GAB1: variants seen among roughly 807,000 people sequenced by gnomAD.
GAB1 encodes GRB2 associated binding protein 1.
Under a neutral mutation model 66.5 loss-of-function variants are expected in GAB1, and 19 were observed. The ratio of observed to expected loss-of-function variants is 0.29; its 90% CI spans 0.20 to 0.42. GAB1 has a LOEUF of 0.42. Ranked by LOEUF, GAB1 falls within the 10% of genes least tolerant of loss-of-function variation. GAB1 has a pLI of 1.00. For missense variants in GAB1, 732 were observed against 858.5 expected (o/e 0.85, Z 1.84); for synonymous variants, 294 against 301.4 (o/e 0.98, Z 0.25).
intron 1 of GAB1, among the ~76,000 whole-genome samples, chr4:143,409,117 G>C (rs1009276730): frequency 2.6e-5 from 4 of 152,196 alleles, no homozygotes; most frequent in Non-Finnish European, 4.4e-5. Flanking sequence ...AGAGCTCAAA[G>C]GAACAGGAGC....
chr4:143,465,841 C>G (rs1275756758), intron 8 of GAB1, among the ~76,000 whole-genome samples: 1 of 152,166 alleles, frequency 6.6e-6, no homozygotes. Context: ...TCAAGTTGGG[C>G]TATCATAGCT....
intron 1 of GAB1, among the ~76,000 whole-genome samples, chr4:143,412,405 A>G: frequency 6.6e-6 from 1 of 152,118 alleles, no homozygotes; most frequent in South Asian, 2.1e-4. Context: ...CATGTATCAA[A>G]TCTAATCTCA....
chr4:143,460,195 TA>T (rs1244647248), intron 7 of GAB1, among the ~76,000 whole-genome samples, 168 bp from the exon 8 acceptor site: 3 of 152,180 alleles, frequency 2.0e-5, no homozygotes, highest in African/African-American at 7.2e-5. Context: ...AAATATTAGT[TA>T]TGTGTTTGTA....
At chr4:143,423,792 G>GTATATATATATATATATATATATATA (rs35559967) in intron 2 of GAB1, among the ~76,000 whole-genome samples, 1 of 67,736 alleles carries the variant, frequency 1.5e-5, no homozygotes, top group Non-Finnish European at 2.9e-5. Context: ...AAAAAAAAGT[G>GTATATATATATATATATATATATATA]TATATATATA....
rs1733178336 is a variant in GAB1 at position 143,423,837 on chromosome 4, T to TATAA, written c.367+8066_367+8067insATAA. Among the ~76,000 whole-genome samples the TATAA allele has an allele frequency of 1.8e-5, 2 of 112,772 alleles. 1 individual carries two copies. The highest frequency in any genetic ancestry group is 3.8e-5 in the Non-Finnish European group (2 of 53,192). 74.0% of individuals were successfully genotyped at this position (112,772 alleles called of 152,430 possible). A position where few individuals can be genotyped will look rare whatever the true frequency, so the allele number is the denominator to read the frequency against. On this transcript the variant is annotated intron_variant, in intron 2 of 9. Coordinates refer to ENST00000262994, the MANE Select transcript of GAB1 (RefSeq NM_002039.4). ...ATATATATATATATATATATATATA[T>TATAA]GTCTTCACGTGCTATGAAAAGGATA...
chr4:143,362,005 C>T (rs1472331454), intron 1 of GAB1, among the ~76,000 whole-genome samples: 2 of 151,844 alleles, frequency 1.3e-5, no homozygotes, highest in East Asian at 1.9e-4. Flanking sequence ...GCAATCCCCC[C>T]ACCTTGGCCT....
Position 143,412,040 on chromosome 4 carries a change from T to C in GAB1, c.73-3437T>C, listed in dbSNP as rs556518822. On this transcript the variant is annotated intron_variant, in intron 1 of 9. Transcript: ENST00000262994. ...CGTCTTGTATAATGTCTACTCAGCC[T>C]CTGTAATCACTAGCCCAATATATCT... Among the ~76,000 whole-genome samples the C allele has an allele frequency of 3.3e-5, 5 of 152,362 alleles. No homozygotes were observed. The South Asian group carries it at 1.0e-3, about 32-fold the overall frequency.
intron 1 of GAB1, among the ~76,000 whole-genome samples, chr4:143,369,790 G>A (rs147392239): frequency 4.2e-4 from 64 of 152,338 alleles, no homozygotes; most frequent in African/African-American, 1.3e-3. Context: ...ATGCAGTTGT[G>A]CTGAGACATG....
chr4:143,437,853 A>G (rs1395518219), intron 3 of GAB1, 146 bp from the exon 4 acceptor site: 2 of 784,616 alleles, frequency 2.5e-6, no homozygotes, highest in Non-Finnish European at 4.1e-6. Context: ...AGGCTAAAGA[A>G]CATTTGTGCT....
At chr4:143,393,053 G>T (rs1416764430) in intron 1 of GAB1, among the ~76,000 whole-genome samples, 3 of 151,966 alleles carry the variant, frequency 2.0e-5, no homozygotes, top group African/African-American at 7.3e-5. Context: ...TGGACTATGG[G>T]CTGTAAGCTG....
At chr4:143,456,239 C>T (rs1406013773) in intron 6 of GAB1, among the ~76,000 whole-genome samples, 1 of 152,144 alleles carries the variant, frequency 6.6e-6, no homozygotes. Flanking sequence ...GGGTGGATCA[C>T]AAGGTCAGGA....
intron 1 of GAB1, among the ~76,000 whole-genome samples, chr4:143,393,015 A>T (rs1026453142): frequency 6.6e-6 from 1 of 151,796 alleles, no homozygotes; most frequent in African/African-American, 2.4e-5. Context: ...TTTGATTTTG[A>T]TTTTTGCATT....
chr4:143,452,069 G>A (rs985344969), intron 6 of GAB1, among the ~76,000 whole-genome samples: 1 of 152,252 alleles, frequency 6.6e-6, no homozygotes, highest in South Asian at 2.1e-4. Context: ...CTTGACATCA[G>A]TGTTTGCACA....
chr4:143,358,682 A>G (rs767992717), intron 1 of GAB1, among the ~76,000 whole-genome samples: 5 of 152,238 alleles, frequency 3.3e-5, no homozygotes, highest in Non-Finnish European at 5.9e-5. Flanking sequence ...GAAGATACAC[A>G]TTACTGATAA....
chr4:143,386,233 A>G (rs1487874615), intron 1 of GAB1, among the ~76,000 whole-genome samples: 1 of 152,172 alleles, frequency 6.6e-6, no homozygotes, highest in African/African-American at 2.4e-5. Flanking sequence ...TCCAAAATGC[A>G]TGGGACCAGA....
At chr4:143,439,441 T>C (rs1734106882) in intron 4 of GAB1, among the ~76,000 whole-genome samples, 1 of 152,242 alleles carries the variant, frequency 6.6e-6, no homozygotes, top group Admixed American at 6.5e-5. Context: ...TTTCTTGAAG[T>C]GACTGTATAA....
intron 4 of GAB1, 125 bp downstream of exon 4, chr4:143,438,725 C>A: frequency 1.0e-6 from 1 of 959,060 alleles, no homozygotes; most frequent in Non-Finnish European, 1.5e-6. Flanking sequence ...TTTTTTCCAG[C>A]TCTACAGCTA....
chr4:143,425,643 C>T (rs988558614), intron 2 of GAB1: 2 of 761,342 alleles, frequency 2.6e-6, no homozygotes, highest in Non-Finnish European at 4.8e-6. Context: ...CATGCCTGAA[C>T]TCTACTTCTA....
chr4:143,457,613 TTTACAGAATCCATTTTCCAATTAA>T, intron 6 of GAB1: 1 of 577,486 alleles, frequency 1.7e-6, no homozygotes, highest in East Asian at 3.7e-5. Context: ...TTTTTTTTTT[TTTACAGAATCCATTTTCCAATTAA>T]TAAATAACAT....
Sources: gnomAD v4.1 joint callset for allele counts (sites outside exome capture counted in the v4.1 genomes callset) on GRCh38, gnomAD v4.1.1 for gene constraint, MANE v1.5 for transcripts, NCBI Gene and HGNC (gene_info 2026-07-23, HGNC 2026-07-21) for gene names.